LRBA: variants seen among roughly 807,000 people sequenced by gnomAD.
The protein encoded by LRBA is lipopolysaccharide-responsive and beige-like anchor protein.
LRBA carries 176 observed loss-of-function variants against 330.0 expected under a neutral mutation model. That is an observed-to-expected ratio of 0.53 (90% confidence interval 0.47 to 0.60). The LOEUF is 0.60. Among genes scored for constraint, LRBA ranks in the 20% least tolerant of loss-of-function variants. The probability of loss-of-function intolerance (pLI) is 0.00; values close to 1 mark genes in which losing one functional copy is unlikely to be tolerated. For synonymous variants in LRBA, 1,230 were observed against 1,193.0 expected (o/e 1.03, Z -0.64); for missense variants, 3,259 against 3,444.8 (o/e 0.95, Z 1.35).
intron 40 of LRBA, among the ~76,000 whole-genome samples, chr4:150,571,899 G>GT (rs1769915433): frequency 6.6e-6 from 1 of 150,940 alleles, no homozygotes; most frequent in Admixed American, 6.6e-5. Flanking sequence ...GCATGTGATA[G>GT]TTTGCAAGGG....
At chr4:150,951,810 A>C (rs1339653678) in intron 2 of LRBA, among the ~76,000 whole-genome samples, 1 of 152,220 alleles carries the variant, frequency 6.6e-6, no homozygotes, top group Non-Finnish European at 1.5e-5. Context: ...TTAGATATTC[A>C]AATACTATTA....
intron 37 of LRBA, among the ~76,000 whole-genome samples, chr4:150,646,912 A>G (rs916764789): frequency 6.6e-6 from 1 of 152,178 alleles, no homozygotes; most frequent in African/African-American, 2.4e-5. Context: ...TATGAAAAAA[A>G]TATGAAATCT....
At chr4:150,929,469 T>A (rs1734227625) in intron 2 of LRBA, among the ~76,000 whole-genome samples, 1 of 152,212 alleles carries the variant, frequency 6.6e-6, no homozygotes, top group African/African-American at 2.4e-5. Flanking sequence ...ACGGTAAAAC[T>A]GAAAAGCTGA....
At chr4:150,574,083 A>C (rs1353312469) in intron 40 of LRBA, among the ~76,000 whole-genome samples, 1 of 152,132 alleles carries the variant, frequency 6.6e-6, no homozygotes, top group East Asian at 1.9e-4. Flanking sequence ...GGAAAAAAAC[A>C]TATTGTTTAT....
chr4:150,727,067 G>GTTTTTTTTTTTTTTTTTTTTTT (rs34671398), intron 36 of LRBA, among the ~76,000 whole-genome samples: 1 of 79,500 alleles, frequency 1.3e-5, no homozygotes. Context: ...ACATTTCGTT[G>GTTTTTTTTTTTTTTTTTTTTTT]TTTTTTTTTT....
At position 150,805,158 on chromosome 4, in the gene LRBA, T is replaced by C. The variant is rs143223610; in HGVS notation, c.5518+1113A>G. 4.4e-4 allele frequency among the ~76,000 whole-genome samples: 58 copies of C among 132,474 alleles called. 1 individual carries two copies. In the East Asian group the frequency reaches 0.012, roughly 28 times the overall value. 86.9% of individuals were successfully genotyped at this position (132,474 alleles called of 152,430 possible). A position where few individuals can be genotyped will look rare whatever the true frequency, so the allele number is the denominator to read the frequency against. On this transcript the variant is annotated intron_variant, in intron 33 of 56. Coordinates refer to ENST00000651943, the MANE Select transcript of LRBA (RefSeq NM_001364905.1). ...GAAGGCACTCACTACATGGCAATGC[T>C]CCATGCGCAAAAAGAAAAAAAAAAG...
intron 2 of LRBA, among the ~76,000 whole-genome samples, chr4:151,007,535 C>G (rs1227154313): frequency 6.7e-6 from 1 of 148,496 alleles, no homozygotes; most frequent in African/African-American, 2.5e-5. Flanking sequence ...AAAAATGGCA[C>G]TCTTAACAAT....
At chr4:150,818,530 G>GTC (rs1164201543) in intron 30 of LRBA, among the ~76,000 whole-genome samples, 12 of 123,652 alleles carry the variant, frequency 9.7e-5, no homozygotes, top group South Asian at 2.5e-4. Flanking sequence ...TATGACGAAT[G>GTC]TCTGTGTGTG....
At chr4:150,315,112 A>G (rs1410276670) in intron 51 of LRBA, 1 of 199,798 alleles carries the variant, frequency 5.0e-6, no homozygotes, top group Non-Finnish European at 1.0e-5. Flanking sequence ...AAACCCTGGC[A>G]CTACAGTTTT....
chr4:150,321,251 C>A lies in LRBA; in HGVS notation c.7570G>T (p.Ala2524Ser), dbSNP rs541209804. The A allele has an allele frequency of 3.1e-6, 5 of 1,612,128 alleles. No homozygotes were observed. The highest frequency in any genetic ancestry group is 1.7e-6 in the Non-Finnish European group (2 of 1,179,388). Residue 2524 changes from alanine (A) to serine (S), a missense_variant, in exon 50 of 57, where the codon GCT becomes TCT. Ala to Ser is a moderately conservative substitution (Grantham distance 99, BLOSUM62 1). Coordinates refer to ENST00000651943, the MANE Select transcript of LRBA (RefSeq NM_001364905.1). This position sits in a 1 kb window ranked among gnomAD's most constrained non-coding sequence, Gnocchi z 4.5. ...CTGTTAGCAGTGACTGTGATCACAGCGGGAGTTGCCAAACCAGGCTGGGTG... is the reference window on the plus strand; with the variant it reads ...CTGTTAGCAGTGACTGTGATCACAGAGGGAGTTGCCAAACCAGGCTGGGTG... ...ANTQPGLATP[A>S]VITVTANRLF...
chr4:150,537,686 T>C (rs1211257561), intron 40 of LRBA, among the ~76,000 whole-genome samples: 1 of 152,044 alleles, frequency 6.6e-6, no homozygotes, highest in Non-Finnish European at 1.5e-5. Flanking sequence ...CACAGTGGCT[T>C]ACACCTGTAA....
At chr4:150,295,950 T>C (rs1218242582) in intron 53 of LRBA, among the ~76,000 whole-genome samples, 2 of 152,200 alleles carry the variant, frequency 1.3e-5, no homozygotes, top group Non-Finnish European at 2.9e-5. Flanking sequence ...ATGGCTCCTG[T>C]AGCTGCATAT....
At chr4:150,519,525 T>A (rs1371613588) in intron 40 of LRBA, among the ~76,000 whole-genome samples, 12 of 152,200 alleles carry the variant, frequency 7.9e-5, no homozygotes, top group Non-Finnish European at 5.9e-5. Context: ...TGTTCCAAGT[T>A]GTTCTGTGTA....
At chr4:150,450,044 A>T (rs953602882) in intron 44 of LRBA, among the ~76,000 whole-genome samples, 4 of 151,176 alleles carry the variant, frequency 2.6e-5, no homozygotes, top group African/African-American at 7.3e-5. Context: ...TGTTGTCCAT[A>T]AAAAAAAAGT....
intron 47 of LRBA, 29 bp from the exon 48 acceptor site, chr4:150,350,188 T>G (rs201819825): frequency 6.9e-7 from 1 of 1,459,366 alleles, no homozygotes; most frequent in African/African-American, 1.5e-5. Flanking sequence ...TGTATTACTA[T>G]GCTGAATTCC....
In LRBA at chr4:150,852,250, A is replaced by C; in HGVS notation, c.3460T>G (p.Leu1154Val). The change falls in exon 23 of 57, where the codon TTA becomes GTA. Residue 1154 changes from leucine (L) to valine (V), a missense_variant. Leu to Val is a conservative substitution (Grantham distance 32, BLOSUM62 1). Coordinates refer to ENST00000651943, the MANE Select transcript of LRBA (RefSeq NM_001364905.1). ...KLDMFGNDDK[L>V]IFQEGKPVTE... ...ACAGGTTTTCCTTCTTGAAATATTAATTTGTCATCATTACCAAACATGTCC... is the reference window on the plus strand; with the variant it reads ...ACAGGTTTTCCTTCTTGAAATATTACTTTGTCATCATTACCAAACATGTCC... 6.2e-7 allele frequency: 1 copy of C among 1,614,044 alleles called. No homozygotes were observed. Among genetic ancestry groups the C allele is most frequent in the Non-Finnish European group, 8.5e-7 (1 of 1,179,982 alleles).
rs1738835375 is a variant in LRBA at position 150,965,996 on chromosome 4, T to C, written c.217-36931A>G. 3.3e-5 allele frequency among the ~76,000 whole-genome samples: 5 copies of C among 152,312 alleles called. No homozygotes were observed. The Middle Eastern group carries it at 0.01, about 311-fold the overall frequency. ...TGTGTTAAAATGTTTCAAAGTCATA[T>C]ATTTGACAGACCAGAAACAATACCA... On this transcript the variant is annotated intron_variant, in intron 2 of 56. Transcript: ENST00000651943.
At chr4:150,905,788 C>A (rs754226230) in intron 13 of LRBA, 50 bp downstream of exon 13, 5 of 1,487,402 alleles carry the variant, frequency 3.4e-6, no homozygotes, top group Non-Finnish European at 4.6e-6. Flanking sequence ...TCCTCACGCA[C>A]AAAAACAGCA....
At chr4:150,438,253 T>C (rs1581312218) in intron 44 of LRBA, among the ~76,000 whole-genome samples, 1 of 152,026 alleles carries the variant, frequency 6.6e-6, no homozygotes, top group Non-Finnish European at 1.5e-5. Context: ...GAGGTCGAGG[T>C]GGGAGATTGT....
Sources: allele counts gnomAD v4.1 joint callset (sites outside exome capture counted in the v4.1 genomes callset), GRCh38; gene constraint gnomAD v4.1.1; non-coding constraint Gnocchi (gnomAD v3.1); transcripts MANE v1.5; gene names NCBI Gene and HGNC (gene_info 2026-07-23, HGNC 2026-07-21).